HCN1: variants seen among roughly 807,000 people sequenced by gnomAD.
HCN1 encodes hyperpolarization activated cyclic nucleotide gated potassium channel 1.
Under a neutral mutation model 78.9 loss-of-function variants are expected in HCN1, and 13 were observed. The ratio of observed to expected loss-of-function variants is 0.16; its 90% CI spans 0.11 to 0.26. The LOEUF (loss-of-function observed/expected upper bound fraction) is 0.26, where lower values mean the gene tolerates loss of function less well. HCN1 is among the 10% of genes least tolerant of loss of function. The pLI, the probability that HCN1 is intolerant of heterozygous loss-of-function variation, is 1.00. For missense variants in HCN1, 810 were observed against 1,154.3 expected, an observed-to-expected ratio of 0.70 and a Z score of 4.32; for synonymous variants, 552 against 455.5, an observed-to-expected ratio of 1.21 and a Z score of -2.70.
intron 2 of HCN1, among the ~76,000 whole-genome samples, chr5:45,511,898 A>G (rs375573254): frequency 6.6e-6 from 1 of 152,086 alleles, no homozygotes; most frequent in Non-Finnish European, 1.5e-5. Context: ...TATGCACAGT[A>G]TATGAAAACT....
chr5:45,693,378 A>G (rs529250630), intron 1 of HCN1, among the ~76,000 whole-genome samples: 2 of 152,264 alleles, frequency 1.3e-5, no homozygotes, highest in South Asian at 2.1e-4. Context: ...ATTTTTTCAG[A>G]TATCTTTCAG....
chr5:45,294,822 G>A (rs1238367527), intron 6 of HCN1, among the ~76,000 whole-genome samples: 2 of 152,024 alleles, frequency 1.3e-5, no homozygotes, highest in Admixed American at 6.6e-5. Context: ...ATATATTGGA[G>A]AATAATCATG....
chr5:45,482,750 C>T (rs1368723038), intron 2 of HCN1, among the ~76,000 whole-genome samples: 3 of 152,058 alleles, frequency 2.0e-5, no homozygotes, highest in Non-Finnish European at 4.4e-5. Flanking sequence ...GTTTTCAACC[C>T]GCCCCTCTTC....
In HCN1 at chr5:45,257,151, C is replaced by A; in HGVS notation, c.*4770G>T. ...TTCCTTGTTACATTAGCAAAACAGA[C>A]ATTTCAATGTGAATCCTCCCCGTTG... is the stretch of plus-strand genomic sequence containing the variant. On this transcript the variant is annotated 3_prime_UTR_variant, in exon 8 of 8. Coordinates refer to ENST00000303230, the MANE Select transcript of HCN1 (RefSeq NM_021072.4). The A allele has an allele frequency of 6.6e-6, 1 of 152,178 alleles. No homozygotes were observed. The highest frequency in any genetic ancestry group is 1.9e-4 in the East Asian group (1 of 5,198). 9.4% of individuals were successfully genotyped at this position (152,178 alleles called of 1,614,324 possible). A position where few individuals can be genotyped will look rare whatever the true frequency, so the allele number is the denominator to read the frequency against.
At chr5:45,334,477 C>A (rs1746412638) in intron 5 of HCN1, among the ~76,000 whole-genome samples, 1 of 151,744 alleles carries the variant, frequency 6.6e-6, no homozygotes, top group South Asian at 2.1e-4. Context: ...CGCTAATTAA[C>A]TATATGTGAC....
intron 5 of HCN1, among the ~76,000 whole-genome samples, chr5:45,331,103 C>T (rs565454717): frequency 2.3e-3 from 345 of 151,244 alleles, no homozygotes; most frequent in Non-Finnish European, 3.9e-3. Context: ...TCTAGATTTT[C>T]CTGCATATTA....
At chr5:45,282,275 T>C (rs1745184180) in intron 6 of HCN1, among the ~76,000 whole-genome samples, 1 of 152,190 alleles carries the variant, frequency 6.6e-6, no homozygotes, top group African/African-American at 2.4e-5. Flanking sequence ...TAAAAATTGT[T>C]TTCCCAATAT....
chr5:45,649,091 G>A (rs1394921760), intron 1 of HCN1, among the ~76,000 whole-genome samples: 1 of 151,804 alleles, frequency 6.6e-6, no homozygotes, highest in East Asian at 1.9e-4. Context: ...ATGCCTACCT[G>A]GGTACACATA....
At chr5:45,366,304 A>G (rs1057043012) in intron 4 of HCN1, among the ~76,000 whole-genome samples, 8 of 151,916 alleles carry the variant, frequency 5.3e-5, no homozygotes, top group African/African-American at 1.9e-4. Context: ...TATATTCACT[A>G]TCTGCAATAA....
chr5:45,608,357 A>ATGTGTGTGTGTG (rs397970171), intron 2 of HCN1, among the ~76,000 whole-genome samples: 3,397 of 140,436 alleles, frequency 0.024, 63 homozygotes, highest in Non-Finnish European at 0.033. Context: ...GGATGGGTGT[A>ATGTGTGTGTGTG]TGTGTGTGTG....
chr5:45,347,991 T>C (rs1579829239), intron 5 of HCN1, among the ~76,000 whole-genome samples: 1 of 152,208 alleles, frequency 6.6e-6, no homozygotes, highest in East Asian at 1.9e-4. Flanking sequence ...CAGGCCAACA[T>C]TCAGATTCAG....
At chr5:45,289,617 T>C (rs948233711) in intron 6 of HCN1, among the ~76,000 whole-genome samples, 2 of 152,068 alleles carry the variant, frequency 1.3e-5, no homozygotes, top group Non-Finnish European at 2.9e-5. Context: ...AAGAGCATCT[T>C]ACTCAGCAAA....
chr5:45,385,731 A>T (rs1471472897), intron 4 of HCN1, among the ~76,000 whole-genome samples: 1 of 152,220 alleles, frequency 6.6e-6, no homozygotes, highest in African/African-American at 2.4e-5. Context: ...AGTGAATGCA[A>T]TTAAATATAA....
intron 6 of HCN1, 26 bp from the exon 7 acceptor site, chr5:45,267,279 A>ATGAC: frequency 6.2e-7 from 1 of 1,608,548 alleles, no homozygotes; most frequent in Non-Finnish European, 8.5e-7. Flanking sequence ...ACAAAGAAGA[A>ATGAC]TGACTTGTTT....
intron 1 of HCN1, 51 bp from the exon 2 acceptor site, chr5:45,645,659 AT>A: frequency 8.4e-7 from 1 of 1,196,576 alleles, no homozygotes; most frequent in Non-Finnish European, 1.2e-6. Context: ...TAACCAGCCT[AT>A]CCCCCCCATG....
intron 2 of HCN1, among the ~76,000 whole-genome samples, chr5:45,562,581 T>C (rs1475756306): frequency 1.3e-5 from 2 of 152,034 alleles, no homozygotes; most frequent in African/African-American, 2.4e-5. Flanking sequence ...AAGACACATA[T>C]ACAAACACCA....
chr5:45,630,858 G>C (rs879589472), intron 2 of HCN1, among the ~76,000 whole-genome samples: 1 of 151,860 alleles, frequency 6.6e-6, no homozygotes, highest in Non-Finnish European at 1.5e-5. Context: ...CATATGACTA[G>C]ACTTTAGGCT....
chr5:45,496,294 A>G (rs1460880449), intron 2 of HCN1, among the ~76,000 whole-genome samples: 1 of 150,990 alleles, frequency 6.6e-6, no homozygotes, highest in Non-Finnish European at 1.5e-5. Context: ...TTATTGGTCT[A>G]TTCAGAGATT....
At chr5:45,424,307 AC>A (rs1349186152) in intron 3 of HCN1, among the ~76,000 whole-genome samples, 2 of 151,904 alleles carry the variant, frequency 1.3e-5, no homozygotes, top group African/African-American at 4.8e-5. Context: ...AAACAAACAA[AC>A]AAAAAACAAA....
Sources: gnomAD v4.1 joint callset for allele counts (sites outside exome capture counted in the v4.1 genomes callset) on GRCh38, gnomAD v4.1.1 for gene constraint, MANE v1.5 for transcripts, NCBI Gene and HGNC (gene_info 2026-07-23, HGNC 2026-07-21) for gene names.